The following STAG1 variants were observed in gnomAD, a reference collection of about 807,000 sequenced individuals.
STAG1 encodes the protein cohesin subunit SA-1.
A neutral mutation model predicts 170.9 loss-of-function variants in STAG1; 26 were observed. The ratio of observed to expected loss-of-function variants is 0.15; its 90% CI spans 0.11 to 0.21. STAG1 has a LOEUF of 0.21. Among genes scored for constraint, STAG1 ranks in the 10% least tolerant of loss-of-function variants. The pLI is 1.00. For missense variants in STAG1, 964 were observed against 1,509.5 expected (o/e 0.64, Z 5.99); for synonymous variants, 514 against 497.7 (o/e 1.03, Z -0.44).
At chr3:136,608,787 G>A (rs1939097307) in intron 3 of STAG1, among the ~76,000 whole-genome samples, 1 of 119,276 alleles carries the variant, frequency 8.4e-6, no homozygotes, top group East Asian at 2.5e-4. Context: ...ATGACAGCGA[G>A]ACCCTATCTC....
chr3:136,655,968 A>T (rs1422158964), intron 1 of STAG1, among the ~76,000 whole-genome samples: 1 of 152,182 alleles, frequency 6.6e-6, no homozygotes, highest in Admixed American at 6.5e-5. Flanking sequence ...AGACATATTT[A>T]TACACCCATG....
rs200365787 is a variant in STAG1 at position 136,644,870 on chromosome 3, GC to G, written c.-83-13890del. On this transcript the variant is annotated intron_variant, in intron 1 of 33. Coordinates refer to ENST00000383202, the MANE Select transcript of STAG1 (RefSeq NM_005862.3). ...CCAGTAGCTGGGACTATAGGCACCT[GC>G]CACCATGCCCAGCTAATTTTTTGTA... Among the ~76,000 whole-genome samples, 368 of 152,168 alleles carry G rather than the reference GC, an allele frequency of 2.4e-3. 3 individuals carry two copies. The highest frequency in any genetic ancestry group is 8.5e-3 in the African/African-American group (352 of 41,528).
chr3:136,608,415 C>A (rs1365779300), intron 3 of STAG1, among the ~76,000 whole-genome samples: 1 of 149,736 alleles, frequency 6.7e-6, no homozygotes, highest in East Asian at 1.9e-4. Context: ...CCTGTAGTCC[C>A]AGCTGCTCAG....
Position 136,364,675 on chromosome 3 carries a change from A to G in STAG1, c.2686-1208T>C, listed in dbSNP as rs551701648. 2.0e-4 allele frequency among the ~76,000 whole-genome samples: 30 copies of G among 152,356 alleles called. No individual in the cohort carries two copies. The South Asian group carries it at 5.8e-3, about 29-fold the overall frequency. The stretch of plus-strand genomic sequence containing the variant: ...TCTTCGACAGTGACTGGGAAAAGTT[A>G]TAATTCAGTTTCTTGACACAAGATT... On this transcript the variant is annotated intron_variant, in intron 25 of 33. Coordinates refer to ENST00000383202, the MANE Select transcript of STAG1 (RefSeq NM_005862.3).
intron 1 of STAG1, among the ~76,000 whole-genome samples, chr3:136,685,971 T>C (rs1404297983): frequency 1.3e-5 from 2 of 152,226 alleles, no homozygotes; most frequent in African/African-American, 4.8e-5. Flanking sequence ...TATATTGTTT[T>C]AATAGAAAGC....
At chr3:136,418,950 G>A (rs992774732) in intron 20 of STAG1, among the ~76,000 whole-genome samples, 1 of 151,952 alleles carries the variant, frequency 6.6e-6, no homozygotes. Context: ...CTATTTAAAA[G>A]TACATTTTAA....
intron 21 of STAG1, among the ~76,000 whole-genome samples, chr3:136,405,425 A>C (rs2087452898): frequency 6.6e-6 from 1 of 151,728 alleles, no homozygotes; most frequent in Non-Finnish European, 1.5e-5. Flanking sequence ...TATTTTTAGT[A>C]GAGACAGGGT....
chr3:136,711,702 T>C (rs574547836), intron 1 of STAG1, among the ~76,000 whole-genome samples: 16 of 152,164 alleles, frequency 1.1e-4, no homozygotes, highest in Non-Finnish European at 2.2e-4. Flanking sequence ...CATGCATCTA[T>C]GGACATGACT....
chr3:136,484,085 A>T (rs2089948303), intron 9 of STAG1, among the ~76,000 whole-genome samples: 1 of 132,076 alleles, frequency 7.6e-6, no homozygotes, highest in Non-Finnish European at 1.6e-5. Flanking sequence ...AGCTCGTCAA[A>T]ATCATTCTCC....
chr3:136,396,181 C>A (rs186045931), intron 22 of STAG1, among the ~76,000 whole-genome samples: 1 of 147,768 alleles, frequency 6.8e-6, no homozygotes, highest in Admixed American at 6.8e-5. Flanking sequence ...CGATTACAGG[C>A]GTGAGCCGCC....
rs5852844 is a variant in STAG1 at position 136,391,368 on chromosome 3, CTTTTTTTT to C, written c.2277+7373_2277+7380del. 2.6e-3 allele frequency among the ~76,000 whole-genome samples: 325 copies of C among 124,558 alleles called. 2 individuals carry two copies. The highest frequency in any genetic ancestry group is 8.9e-3 in the African/African-American group (302 of 33,918). 81.7% of individuals were successfully genotyped at this position (124,558 alleles called of 152,430 possible). A position where few individuals can be genotyped will look rare whatever the true frequency, so the allele number is the denominator to read the frequency against. On this transcript the variant is annotated intron_variant, in intron 22 of 33. Transcript: ENST00000383202. ...AGTAATAGGGCATTACTTTAGCCCTCTTTTTTTTTTTTTTTTTTTCTTTTTTTGAGACA... is the reference window on the plus strand; with the variant it reads ...AGTAATAGGGCATTACTTTAGCCCTCTTTTTTTTTTTCTTTTTTTGAGACA...
chr3:136,436,797 C>T (rs544040067), intron 15 of STAG1, among the ~76,000 whole-genome samples: 1 of 152,224 alleles, frequency 6.6e-6, no homozygotes, highest in South Asian at 2.1e-4. Flanking sequence ...AAAGATACAA[C>T]ATCTTGTTCT....
intron 16 of STAG1, among the ~76,000 whole-genome samples, chr3:136,424,070 C>T (rs2088039494): frequency 6.6e-6 from 1 of 151,964 alleles, no homozygotes; most frequent in African/African-American, 2.4e-5. Flanking sequence ...ACCACGTTGA[C>T]GAGGCTGGTC....
At chr3:136,379,925 G>C (rs1224700704) in intron 22 of STAG1, among the ~76,000 whole-genome samples, 1 of 152,122 alleles carries the variant, frequency 6.6e-6, no homozygotes, top group Non-Finnish European at 1.5e-5. Flanking sequence ...GCATAAGAGT[G>C]CTAAAATTTT....
chr3:136,506,670 A>C (rs1933784730), intron 7 of STAG1, among the ~76,000 whole-genome samples: 1 of 151,464 alleles, frequency 6.6e-6, no homozygotes, highest in Non-Finnish European at 1.5e-5. Flanking sequence ...AAAGAAAAGA[A>C]AAAGAAAAAG....
intron 10 of STAG1, among the ~76,000 whole-genome samples, chr3:136,475,960 T>G (rs931135764): frequency 6.6e-6 from 1 of 152,164 alleles, no homozygotes; most frequent in African/African-American, 2.4e-5. Flanking sequence ...TGACAGAATT[T>G]AAGAACTCTG....
chr3:136,386,696 A>AT (rs1037792963), intron 22 of STAG1, among the ~76,000 whole-genome samples: 168 of 149,670 alleles, frequency 1.1e-3, no homozygotes, highest in South Asian at 6.6e-3. Context: ...CACCTAGCTA[A>AT]TTTTTTTTTT....
At chr3:136,705,378 AACACACACACACACACACACACACAC>A (rs3066789) in intron 1 of STAG1, among the ~76,000 whole-genome samples, 3 of 143,206 alleles carry the variant, frequency 2.1e-5, no homozygotes, top group East Asian at 2.2e-4. Flanking sequence ...ATGATCATCA[AACACACACACACACACACACACACAC>A]ACACACACAC....
intron 13 of STAG1, among the ~76,000 whole-genome samples, chr3:136,453,292 C>A (rs1254495989): frequency 6.6e-6 from 1 of 151,858 alleles, no homozygotes; most frequent in Non-Finnish European, 1.5e-5. Context: ...TCTAACAAAA[C>A]TTAAAAACTG....
Sources: allele counts gnomAD v4.1 joint callset (sites outside exome capture counted in the v4.1 genomes callset), GRCh38; gene constraint gnomAD v4.1.1; transcripts MANE v1.5; gene names NCBI Gene and HGNC (gene_info 2026-07-23, HGNC 2026-07-21).